SAMMSON: variants seen among roughly 807,000 people sequenced by gnomAD.
SAMMSON encodes the protein survival associated mitochondrial melanoma specific oncogenic non-coding RNA.
chr3:70,178,569 G>A (rs1192958784), intron 4 of SAMMSON, among the ~76,000 whole-genome samples: 1 of 152,202 alleles, frequency 6.6e-6, no homozygotes, highest in Non-Finnish European at 1.5e-5. Flanking sequence ...ACTGGGGCAT[G>A]GCACTATGAA....
intron 1 of SAMMSON, among the ~76,000 whole-genome samples, chr3:70,006,631 AC>A (rs1448992007): frequency 6.7e-6 from 1 of 150,116 alleles, no homozygotes; most frequent in Non-Finnish European, 1.5e-5. Flanking sequence ...CAACCCTAAG[AC>A]CTTTCCTGTT....
chr3:70,100,109 GT>G (rs2067337853), intron 4 of SAMMSON, among the ~76,000 whole-genome samples: 1 of 151,992 alleles, frequency 6.6e-6, no homozygotes. Context: ...GATTAATTTA[GT>G]TTTGGCAGTA....
chr3:70,100,411 G>A (rs1019808298), intron 4 of SAMMSON, among the ~76,000 whole-genome samples: 2 of 151,982 alleles, frequency 1.3e-5, no homozygotes, highest in Non-Finnish European at 2.9e-5. Flanking sequence ...GCCTCCCAAA[G>A]TGCTGGGATT....
At chr3:70,227,484 G>A (rs1219633906) in intron 4 of SAMMSON, among the ~76,000 whole-genome samples, 3 of 152,168 alleles carry the variant, frequency 2.0e-5, no homozygotes, top group Non-Finnish European at 4.4e-5. Context: ...GAGGTCATTG[G>A]AGACTTTTGC....
intron 4 of SAMMSON, among the ~76,000 whole-genome samples, chr3:70,185,243 G>A (rs1377934948): frequency 6.6e-6 from 1 of 152,102 alleles, no homozygotes; most frequent in Admixed American, 6.5e-5. Flanking sequence ...TGCCACAAAA[G>A]GAGAAACCAT....
chr3:70,141,576 A>G (rs940396182), intron 4 of SAMMSON, among the ~76,000 whole-genome samples: 2 of 152,196 alleles, frequency 1.3e-5, no homozygotes, highest in Non-Finnish European at 2.9e-5. Context: ...TTCATCCCTT[A>G]TTAGTTCAGT....
chr3:70,235,727 C>A (rs1198456791), intron 4 of SAMMSON, among the ~76,000 whole-genome samples: 1 of 152,198 alleles, frequency 6.6e-6, no homozygotes, highest in African/African-American at 2.4e-5. Context: ...GCATTCAAAT[C>A]AGGCCATTGA....
intron 4 of SAMMSON, among the ~76,000 whole-genome samples, chr3:70,167,181 TCATAGTCA>T (rs1289894877): frequency 1.3e-5 from 2 of 152,066 alleles, no homozygotes; most frequent in Non-Finnish European, 2.9e-5. Context: ...TTTTAAGTTC[TCATAGTCA>T]CATGTGGCTA....
intron 3 of SAMMSON, chr3:70,068,410 A>G (rs1461817000): frequency 6.6e-6 from 1 of 152,088 alleles, no homozygotes; most frequent in Admixed American, 6.6e-5. Flanking sequence ...CACATTGAAA[A>G]TGACATGATC....
At chr3:70,062,156 C>T (rs1048046352) in intron 3 of SAMMSON, among the ~76,000 whole-genome samples, 2 of 152,016 alleles carry the variant, frequency 1.3e-5, no homozygotes, top group South Asian at 4.1e-4. Context: ...TGCTGAGACA[C>T]CCGCATGGCC....
intron 2 of SAMMSON, among the ~76,000 whole-genome samples, chr3:70,400,984 T>C (rs1041095223): frequency 6.6e-6 from 1 of 152,080 alleles, no homozygotes; most frequent in Non-Finnish European, 1.5e-5. Flanking sequence ...GAGGTGGTTG[T>C]CATTCAGAAT....
At chr3:70,380,539 C>A (rs1175754898) in intron 9 of SAMMSON, among the ~76,000 whole-genome samples, 1 of 151,678 alleles carries the variant, frequency 6.6e-6, no homozygotes, top group Non-Finnish European at 1.5e-5. Flanking sequence ...TCTTTTTTTT[C>A]TTTTTTTATT....
chr3:70,414,743 A>G (rs1417489048), intron 2 of SAMMSON, among the ~76,000 whole-genome samples: 2 of 152,194 alleles, frequency 1.3e-5, no homozygotes, highest in Non-Finnish European at 2.9e-5. Flanking sequence ...TAGTTCATTT[A>G]TAAAATGGAC....
intron 4 of SAMMSON, among the ~76,000 whole-genome samples, chr3:70,182,620 A>G (rs935702396): frequency 6.6e-6 from 1 of 152,178 alleles, no homozygotes; most frequent in African/African-American, 2.4e-5. Context: ...CAATGATTTC[A>G]CGGGCTAATT....
intron 3 of SAMMSON, among the ~76,000 whole-genome samples, chr3:70,023,844 C>A (rs1211809918): frequency 6.6e-6 from 1 of 152,180 alleles, no homozygotes; most frequent in East Asian, 1.9e-4. Flanking sequence ...GGACTGCAAG[C>A]CATAGTTTGC....
chr3:70,212,205 G>A (rs569425583), intron 4 of SAMMSON, among the ~76,000 whole-genome samples: 6 of 152,228 alleles, frequency 3.9e-5, no homozygotes, highest in Non-Finnish European at 7.4e-5. Flanking sequence ...AGAATTCAGA[G>A]AAGCACAACA....
At chr3:70,187,545 C>T (rs1474406340) in intron 4 of SAMMSON, among the ~76,000 whole-genome samples, 25 of 146,926 alleles carry the variant, frequency 1.7e-4, no homozygotes, top group Non-Finnish European at 1.5e-5. Flanking sequence ...TCACGCCATT[C>T]TCCTGCCTCA....
At chr3:70,391,508 A>G (rs1480359775), downstream of SAMMSON, among the ~76,000 whole-genome samples, 1 of 152,122 alleles carries the variant, frequency 6.6e-6, no homozygotes, top group Non-Finnish European at 1.5e-5. Context: ...TACTTGTAGG[A>G]AAATTATTCT....
chr3:70,431,380 C>G (rs1043157380), intron 2 of SAMMSON, among the ~76,000 whole-genome samples: 1 of 151,948 alleles, frequency 6.6e-6, no homozygotes, highest in African/African-American at 2.4e-5. Context: ...ATGTCTGACA[C>G]TTTAGAACAC....
Sources: allele counts gnomAD v4.1 joint callset (sites outside exome capture counted in the v4.1 genomes callset), GRCh38; gene constraint gnomAD v4.1.1; transcripts MANE v1.5; gene names NCBI Gene and HGNC (gene_info 2026-07-23, HGNC 2026-07-21).